The following WDR44 variants were observed in gnomAD, a reference collection of about 807,000 sequenced individuals.
The protein encoded by WDR44 is WD repeat-containing protein 44.
Under a neutral mutation model 65.7 loss-of-function variants are expected in WDR44, and 9 were observed. The ratio of observed to expected loss-of-function variants is 0.14; its 90% CI spans 0.08 to 0.24. WDR44 has a LOEUF of 0.24. Among genes scored for constraint, WDR44 ranks in the 10% least tolerant of loss-of-function variants. The pLI is 1.00. For synonymous variants in WDR44, 220 were observed against 235.2 expected (o/e 0.94, Z 0.59); for missense variants, 425 against 670.9 (o/e 0.63, Z 4.05).
intron 12 of WDR44, among the ~76,000 whole-genome samples, chrX:118,430,226 A>G (rs1320920015): frequency 1.4e-4 from 15 of 106,702 alleles, no homozygotes; most frequent in South Asian, 4.1e-4. Context: ...AATTGTCTAC[A>G]CTGATCATGT....
At chrX:118,404,066 T>G (rs977431252) in intron 8 of WDR44, among the ~76,000 whole-genome samples, 14 of 112,115 alleles carry the variant, frequency 1.2e-4, no homozygotes. Context: ...ACACTACCTC[T>G]GCCAATCAAT....
chrX:118,359,092 T>C (rs1451539710), intron 1 of WDR44, among the ~76,000 whole-genome samples: 1 of 111,829 alleles, frequency 8.9e-6, no homozygotes, highest in Non-Finnish European at 1.9e-5. Context: ...AAAAAAAATC[T>C]TAGCACTTTA....
At chrX:118,447,875 A>AATATATATATATATATATATAT (rs10570740) in intron 19 of WDR44, among the ~76,000 whole-genome samples, 24 of 54,783 alleles carry the variant, frequency 4.4e-4, no homozygotes, top group African/African-American at 1.5e-3. Context: ...CTCTATCTAA[A>AATATATATATATATATATATAT]ATATATATAT....
intron 2 of WDR44, among the ~76,000 whole-genome samples, chrX:118,386,003 A>T (rs1304385381): frequency 9.0e-6 from 1 of 110,856 alleles, no homozygotes; most frequent in African/African-American, 3.3e-5. Context: ...ATTCTGGGGG[A>T]GGAATTCAGT....
intron 1 of WDR44, among the ~76,000 whole-genome samples, chrX:118,368,165 T>C (rs890392192): frequency 1.8e-5 from 2 of 110,908 alleles, no homozygotes; most frequent in Non-Finnish European, 3.8e-5. Context: ...TGCTTTTTGC[T>C]TCAGTTGTAT....
At chrX:118,352,353 T>TATATATATATATA (rs1491172810) in intron 1 of WDR44, among the ~76,000 whole-genome samples, 14 of 15,785 alleles carry the variant, frequency 8.9e-4, no homozygotes, top group African/African-American at 1.5e-3. Flanking sequence ...TATATATATA[T>TATATATATATATA]TTTTTTTTTT....
At chrX:118,435,687 C>T (rs982790795) in intron 13 of WDR44, among the ~76,000 whole-genome samples, 5 of 112,656 alleles carry the variant, frequency 4.4e-5, no homozygotes, top group African/African-American at 1.6e-4. Flanking sequence ...ACTGCATATA[C>T]TCTTAAAAAC....
At chrX:118,446,453 C>T (rs983262066) in intron 19 of WDR44, among the ~76,000 whole-genome samples, 3 of 111,416 alleles carry the variant, frequency 2.7e-5, no homozygotes, top group Non-Finnish European at 5.6e-5. Flanking sequence ...ATTTTTAAAT[C>T]GATTGCATAA....
rs777456699 is a variant in WDR44 at position 118,346,168 on chromosome X, G to T, written c.-336G>T. On this transcript the variant is annotated 5_prime_UTR_variant, in exon 1 of 20. Transcript: ENST00000254029. ...AATTGCTGCTGCGGGAGAAACTGGA[G>T]CCGCTGTAGCCGGCGCGCCCTTCTT... 6.6e-6 allele frequency: 2 copies of T among 302,452 alleles called. No individual in the cohort carries two copies. Among genetic ancestry groups the T allele is most frequent in the Non-Finnish European group, 1.2e-5 (2 of 173,080 alleles). The allele number at this position is 302,452 out of a possible 1,213,427, so 24.9% of individuals were successfully genotyped here. A position where few individuals can be genotyped will look rare whatever the true frequency, so the allele number is the denominator to read the frequency against.
At chrX:118,390,146 T>C (rs1602909368) in intron 3 of WDR44, among the ~76,000 whole-genome samples, 2 of 110,631 alleles carry the variant, frequency 1.8e-5, no homozygotes, top group African/African-American at 6.6e-5. Flanking sequence ...GGTTTTGAAC[T>C]CCTGACCTCA....
intron 3 of WDR44, among the ~76,000 whole-genome samples, chrX:118,388,706 GA>G (rs1476570239): frequency 8.9e-6 from 1 of 111,928 alleles, no homozygotes; most frequent in Non-Finnish European, 1.9e-5. Flanking sequence ...AAAAAAATAA[GA>G]AATTGCCTAT....
intron 12 of WDR44, among the ~76,000 whole-genome samples, chrX:118,417,310 T>C (rs1049447724): frequency 1.8e-5 from 2 of 112,092 alleles, no homozygotes. Context: ...AAGTTCTGTT[T>C]TAATGTGTTT....
At chrX:118,352,321 TATATATATATATATATA>T (rs1569354312) in intron 1 of WDR44, among the ~76,000 whole-genome samples, 12 of 8,550 alleles carry the variant, frequency 1.4e-3, no homozygotes, top group African/African-American at 4.5e-3. Context: ...AGCTAATTTA[TATATATATATATATATA>T]TATATATATA....
chrX:118,425,767 C>T lies in WDR44; in HGVS notation c.1738-7014C>T, dbSNP rs752521789. Among the ~76,000 whole-genome samples the T allele has an allele frequency of 3.8e-4, 42 of 111,741 alleles. 1 individual carries two copies. In the South Asian group the frequency reaches 0.016, roughly 42 times the overall value. ...AAGCCTTATAATTTTCCATAGCAAT[C>T]CAACTTTATAATATCTTTAGATAGG... On this transcript the variant is annotated intron_variant, in intron 12 of 19. Coordinates refer to ENST00000254029, the MANE Select transcript of WDR44 (RefSeq NM_019045.5).
intron 2 of WDR44, among the ~76,000 whole-genome samples, chrX:118,379,277 T>A (rs1755678765): frequency 9.0e-6 from 1 of 111,364 alleles, no homozygotes; most frequent in Non-Finnish European, 1.9e-5. Context: ...TATATGTATA[T>A]TTATATGTAT....
Position 118,396,961 on chromosome X carries a change from T to A in WDR44, c.1054-9T>A, listed in dbSNP as rs1374484282. 8.6e-7 allele frequency: 1 copy of A among 1,156,247 alleles called. No homozygotes were observed. Among genetic ancestry groups the A allele is most frequent in the Non-Finnish European group, 1.1e-6 (1 of 873,482 alleles). On this transcript the variant is annotated splice_polypyrimidine_tract_variant and intron_variant, in intron 6 of 19. Coordinates refer to ENST00000254029, the MANE Select transcript of WDR44 (RefSeq NM_019045.5). ...TCTTGGTGTGATTGTTTTTTTTTTT[T>A]AACCTCAGGAAATTTTAGCCAGTGT...
chrX:118,389,456 C>A (rs1348411263), intron 3 of WDR44, among the ~76,000 whole-genome samples: 1 of 111,264 alleles, frequency 9.0e-6, no homozygotes, highest in Non-Finnish European at 1.9e-5. Flanking sequence ...CACGGTGGCT[C>A]ACGCCTATAA....
At chrX:118,363,530 C>G (rs2056529707) in intron 1 of WDR44, among the ~76,000 whole-genome samples, 1 of 110,644 alleles carries the variant, frequency 9.0e-6, no homozygotes, top group African/African-American at 3.3e-5. Context: ...TAAGCGAAAT[C>G]TGGGATAGTG....
chrX:118,373,049 A>T (rs757226032), intron 1 of WDR44, among the ~76,000 whole-genome samples: 1 of 111,052 alleles, frequency 9.0e-6, no homozygotes, highest in African/African-American at 3.3e-5. Context: ...AGATCATGCC[A>T]CTGCACTCCA....
Sources: allele counts gnomAD v4.1 joint callset (sites outside exome capture counted in the v4.1 genomes callset), GRCh38; gene constraint gnomAD v4.1.1; transcripts MANE v1.5; gene names NCBI Gene and HGNC (gene_info 2026-07-23, HGNC 2026-07-21).